SEPTIN8: variants seen among roughly 807,000 people sequenced by gnomAD.
The protein encoded by SEPTIN8 is septin-8.
In SEPTIN8, 22 loss-of-function variants were observed where a neutral mutation model predicts 53.1. The observed-to-expected ratio is 0.41, with a 90% CI of 0.30 to 0.59. SEPTIN8 has a LOEUF of 0.59. SEPTIN8 is among the 20% of genes least tolerant of loss of function. The pLI, the probability that SEPTIN8 is intolerant of heterozygous loss-of-function variation, is 0.24. For synonymous variants in SEPTIN8, 228 were observed against 248.4 expected, an observed-to-expected ratio of 0.92 and a Z score of 0.77; for missense variants, 536 against 638.7, an observed-to-expected ratio of 0.84 and a Z score of 1.73.
intron 9 of SEPTIN8, chr5:132,757,584 G>T: frequency 1.0e-6 from 1 of 985,348 alleles, no homozygotes; most frequent in East Asian, 1.1e-4. Context: ...TCCTTGAGGG[G>T]AGCGTTGTGC....
Position 132,775,560 on chromosome 5 carries a change from G to A in SEPTIN8, c.30+1548C>T, listed in dbSNP as rs372034013. Among the ~76,000 whole-genome samples, 5 of 152,280 alleles carry A rather than the reference G, an allele frequency of 3.3e-5. No homozygotes were observed. The East Asian group carries it at 5.8e-4, about 18-fold the overall frequency. On this transcript the variant is annotated intron_variant, in intron 1 of 9. Coordinates refer to ENST00000378719, the MANE Select transcript of SEPTIN8 (RefSeq NM_001098811.2). Reference sequence around the variant, plus strand: ...CTGCCCAAGGTCACATGGCCAACAAGGAGTGTCTAGGATTCCTATCAGGCT... The same window carrying A: ...CTGCCCAAGGTCACATGGCCAACAAAGAGTGTCTAGGATTCCTATCAGGCT...
upstream of SEPTIN8, among the ~76,000 whole-genome samples, chr5:132,779,720 T>C (rs907035360): frequency 1.3e-5 from 2 of 152,258 alleles, no homozygotes; most frequent in Non-Finnish European, 2.9e-5. Flanking sequence ...CACAAAGATA[T>C]TGTGTTTGTG....
In SEPTIN8 at chr5:132,777,230, G is replaced by A; in HGVS notation, c.-93C>T. On this transcript the variant is annotated 5_prime_UTR_variant, in exon 1 of 10. Transcript: ENST00000378719. This position sits in a 1 kb window ranked among gnomAD's most constrained non-coding sequence, Gnocchi z 4.1. Reference sequence around the variant, plus strand: ...CGGGACGCGCTCCGCCCGGGCGGCTGCGGCTGAATGGATCCAATATGGCCA... The same window carrying A: ...CGGGACGCGCTCCGCCCGGGCGGCTACGGCTGAATGGATCCAATATGGCCA... The A allele has an allele frequency of 1.5e-5, 17 of 1,149,870 alleles. No homozygotes were observed. The highest frequency in any genetic ancestry group is 1.8e-5 in the Non-Finnish European group (17 of 934,486). The allele number at this position is 1,149,870 out of a possible 1,614,324, so 71.2% of individuals were successfully genotyped here.
At chr5:132,770,101 G>GTATA (rs1491013330) in intron 1 of SEPTIN8, among the ~76,000 whole-genome samples, 3 of 19,760 alleles carry the variant, frequency 1.5e-4, no homozygotes, top group Non-Finnish European at 2.6e-4. Context: ...ATATATATAT[G>GTATA]TATATATGTA....
At chr5:132,764,021 A>G (rs1756299391) in intron 3 of SEPTIN8, 129 bp from the exon 4 acceptor site, 1 of 1,062,898 alleles carries the variant, frequency 9.4e-7, no homozygotes, top group African/African-American at 1.6e-5. Flanking sequence ...CTTCTGCCTG[A>G]GATCCCTGAC....
At chr5:132,756,884 A>G (rs1755394227) in intron 9 of SEPTIN8, 1 of 985,338 alleles carries the variant, frequency 1.0e-6, no homozygotes, top group African/African-American at 1.7e-5. Context: ...TTTCTTATGT[A>G]TCCAATGAAC....
intron 4 of SEPTIN8, 59 bp from the exon 5 acceptor site, chr5:132,762,704 A>G (rs1756116131): frequency 6.4e-7 from 1 of 1,572,516 alleles, no homozygotes; most frequent in Non-Finnish European, 8.7e-7. Context: ...GGTGGTTCCC[A>G]TGCCATGCCC....
In SEPTIN8 at chr5:132,751,271, C is replaced by T; in HGVS notation, c.*745G>A. The T allele has an allele frequency of 2.8e-6, 1 of 359,890 alleles. No individual in the cohort carries two copies. The highest frequency in any genetic ancestry group is 5.0e-6 in the Non-Finnish European group (1 of 200,588). The allele number at this position is 359,890 out of a possible 1,614,324, so 22.3% of individuals were successfully genotyped here. A position where few individuals can be genotyped will look rare whatever the true frequency, so the allele number is the denominator to read the frequency against. ...ATGGTGAGTTTCTCTTTTAAATACA[C>T]ACTGCAAAAATATTTAACTTTCCAT... On this transcript the variant is annotated 3_prime_UTR_variant, in exon 10 of 10. Transcript: ENST00000378719.
intron 9 of SEPTIN8, 118 bp from the exon 10 acceptor site, chr5:132,752,299 A>G: frequency 7.6e-7 from 1 of 1,323,654 alleles, no homozygotes. Flanking sequence ...CCTCTGGAAA[A>G]TGTTCTGGCC....
Position 132,761,720 on chromosome 5 carries a change from C to T in SEPTIN8, c.793+80G>A. On this transcript the variant is annotated intron_variant, in intron 6 of 9. Coordinates refer to ENST00000378719, the MANE Select transcript of SEPTIN8 (RefSeq NM_001098811.2). This position sits in a 1 kb window ranked among gnomAD's most constrained non-coding sequence, Gnocchi z 5.8. ...CACGCAGGTGGGCATGAGGAGGAAA[C>T]AGCACAGGGTACTACAGGCAGCAGG... 1 of 1,586,030 alleles carries T rather than the reference C, an allele frequency of 6.3e-7. No homozygotes were observed.
At chr5:132,768,790 C>T (rs925229700) in intron 1 of SEPTIN8, among the ~76,000 whole-genome samples, 2 of 152,246 alleles carry the variant, frequency 1.3e-5, no homozygotes, top group Admixed American at 6.5e-5. Flanking sequence ...CTGCAGTCTA[C>T]TCACAGGATG....
At chr5:132,777,249 A>C, upstream of SEPTIN8, 12 of 1,127,392 alleles carry the variant, frequency 1.1e-5, no homozygotes, top group Non-Finnish European at 7.6e-6. The surrounding 1 kb of genome is among the most constrained non-coding windows in gnomAD (Gnocchi z 4.1). Flanking sequence ...TGGATCCAAT[A>C]TGGCCACTTC....
At chr5:132,767,177 T>C (rs1756687353) in intron 1 of SEPTIN8, among the ~76,000 whole-genome samples, 1 of 152,128 alleles carries the variant, frequency 6.6e-6, no homozygotes, top group South Asian at 2.1e-4. Context: ...AGCCCAGATC[T>C]CCTTAGGGCT....
chr5:132,761,379 G>A lies in SEPTIN8; in HGVS notation c.962+79C>T, dbSNP rs1755929425. 8.2e-6 allele frequency: 13 copies of A among 1,585,202 alleles called. 1 individual carries two copies. The highest frequency in any genetic ancestry group is 1.1e-5 in the Non-Finnish European group (13 of 1,167,916). On this transcript the variant is annotated intron_variant, in intron 7 of 9. Transcript: ENST00000378719. This position sits in a 1 kb window ranked among gnomAD's most constrained non-coding sequence, Gnocchi z 5.8. Reference sequence around the variant, plus strand: ...GGCACGAGGGGTAAGAGGATGTGGGGTCCCTCAGGGAACAGATGCCAGGGT... The same window carrying A: ...GGCACGAGGGGTAAGAGGATGTGGGATCCCTCAGGGAACAGATGCCAGGGT...
chr5:132,754,761 C>G (rs1156972042), intron 9 of SEPTIN8, among the ~76,000 whole-genome samples: 1 of 152,200 alleles, frequency 6.6e-6, no homozygotes, highest in African/African-American at 2.4e-5. Flanking sequence ...TATCCCACCT[C>G]AACTCAGAGA....
At chr5:132,771,183 C>T (rs1024985782) in intron 1 of SEPTIN8, among the ~76,000 whole-genome samples, 17 of 152,174 alleles carry the variant, frequency 1.1e-4, no homozygotes, top group African/African-American at 4.1e-4. Context: ...TACCATGAAA[C>T]AAGGTGGGAT....
chr5:132,769,513 A>C (rs1248682428), intron 1 of SEPTIN8, among the ~76,000 whole-genome samples: 1 of 152,286 alleles, frequency 6.6e-6, no homozygotes, highest in African/African-American at 2.4e-5. Flanking sequence ...GCAGCACCTT[A>C]ATAACAATGG....
chr5:132,763,654 C>A, intron 4 of SEPTIN8, 52 bp downstream of exon 4: 1 of 1,548,226 alleles, frequency 6.5e-7, no homozygotes, highest in South Asian at 1.1e-5. Flanking sequence ...CACCACATCG[C>A]ATCGCAGCAG....
chr5:132,760,755 G>C lies in SEPTIN8; in HGVS notation c.1286+47C>G. 1 of 1,558,704 alleles carries C rather than the reference G, an allele frequency of 6.4e-7. No individual in the cohort carries two copies. Among genetic ancestry groups the C allele is most frequent in the African/African-American group, 1.4e-5 (1 of 73,152 alleles). ...GTGAGGGACAAGAACGAAAGCAAGAGCCCACAGGAGCAAGAGGAGCCAGCG... is the reference window on the plus strand; with the variant it reads ...GTGAGGGACAAGAACGAAAGCAAGACCCCACAGGAGCAAGAGGAGCCAGCG... On this transcript the variant is annotated intron_variant, in intron 9 of 9. Transcript: ENST00000378719. This position sits in a 1 kb window ranked among gnomAD's most constrained non-coding sequence, Gnocchi z 5.2.
Sources: allele counts gnomAD v4.1 joint callset (sites outside exome capture counted in the v4.1 genomes callset), GRCh38; gene constraint gnomAD v4.1.1; non-coding constraint Gnocchi (gnomAD v3.1); transcripts MANE v1.5; gene names NCBI Gene and HGNC (gene_info 2026-07-23, HGNC 2026-07-21).